The following NPR3 variants were observed in gnomAD, a reference collection of about 807,000 sequenced individuals.
NPR3 encodes atrial natriuretic peptide receptor 3.
A neutral mutation model predicts 54.5 loss-of-function variants in NPR3; 34 were observed. The ratio of observed to expected loss-of-function variants is 0.62; its 90% CI spans 0.47 to 0.83. NPR3 has a LOEUF of 0.83. NPR3 is among the 40% of genes least tolerant of loss of function. The probability of loss-of-function intolerance (pLI) is 0.00; values close to 1 mark genes in which losing one functional copy is unlikely to be tolerated. For missense variants in NPR3, 674 were observed against 720.8 expected, an observed-to-expected ratio of 0.94 and a Z score of 0.74; for synonymous variants, 289 against 297.1, an observed-to-expected ratio of 0.97 and a Z score of 0.28.
At position 32,786,756 on chromosome 5, in the gene NPR3, G is replaced by A; in HGVS notation, c.*411G>A. 5.6e-6 allele frequency: 1 copy of A among 179,412 alleles called. No individual in the cohort carries two copies. Among genetic ancestry groups the A allele is most frequent in the Non-Finnish European group, 1.1e-5 (1 of 87,730 alleles). 11.1% of individuals were successfully genotyped at this position (179,412 alleles called of 1,614,324 possible). ...TTTACAAGTACAGCATTCTTGGAAAGAATTTAACACCCAAAAAGGGGAAAA... is the reference window on the plus strand; with the variant it reads ...TTTACAAGTACAGCATTCTTGGAAAAAATTTAACACCCAAAAAGGGGAAAA... On this transcript the variant is annotated 3_prime_UTR_variant, in exon 8 of 8. Coordinates refer to ENST00000265074, the MANE Select transcript of NPR3 (RefSeq NM_001204375.2).
chr5:32,745,562 A>G (rs539457051), intron 3 of NPR3, among the ~76,000 whole-genome samples: 97 of 152,296 alleles, frequency 6.4e-4, no homozygotes, highest in African/African-American at 2.1e-3. Context: ...TTTTTCCACT[A>G]CATCAGTCTG....
At chr5:32,746,021 C>T (rs1740279204) in intron 3 of NPR3, among the ~76,000 whole-genome samples, 1 of 152,142 alleles carries the variant, frequency 6.6e-6, no homozygotes, top group South Asian at 2.1e-4. Flanking sequence ...CTTATGCCAG[C>T]ATGCACAAAA....
intron 2 of NPR3, among the ~76,000 whole-genome samples, chr5:32,735,454 A>C (rs1464291230): frequency 6.7e-6 from 1 of 149,496 alleles, no homozygotes; most frequent in Non-Finnish European, 1.5e-5. Context: ...TTATTGTTGA[A>C]AATTTACTAT....
rs567128702 is a variant in NPR3 at position 32,762,408 on chromosome 5, C to T, written c.1060-12300C>T. On this transcript the variant is annotated intron_variant, in intron 3 of 7. Transcript: ENST00000265074. ...TGGTTGAACTAATTTACACTCCCAC[C>T]GACAGTGTAAAGGCATTCCTATTTC... is the stretch of plus-strand genomic sequence containing the variant. Among the ~76,000 whole-genome samples, 17 of 150,690 alleles carry T rather than the reference C, an allele frequency of 1.1e-4. 2 individuals are homozygous for T. The highest frequency in any genetic ancestry group is 4.3e-4 in the South Asian group (2 of 4,702).
intron 3 of NPR3, among the ~76,000 whole-genome samples, chr5:32,773,044 A>G (rs1210026214): frequency 5.5e-5 from 8 of 145,316 alleles, no homozygotes; most frequent in Non-Finnish European, 3.1e-5. Flanking sequence ...TATCTTGTGA[A>G]TGTTTGTGTA....
chr5:32,747,223 A>T (rs1292880338), intron 3 of NPR3, among the ~76,000 whole-genome samples: 1 of 152,074 alleles, frequency 6.6e-6, no homozygotes, highest in Non-Finnish European at 1.5e-5. Context: ...TGATAGTAAA[A>T]ATTTTGATAT....
In NPR3 at chr5:32,776,934, G is replaced by A. The variant is rs1479621560; in HGVS notation, c.1195+2091G>A. 3.9e-5 allele frequency among the ~76,000 whole-genome samples: 6 copies of A among 152,282 alleles called. No individual in the cohort carries two copies. In the East Asian group the frequency reaches 1.2e-3, roughly 29 times the overall value. ...AGAGTGAAGTTGAGTAGAGACCCGA[G>A]GGAAGTGAGGGAAGCTCTGTAGATG... On this transcript the variant is annotated intron_variant, in intron 4 of 7. Transcript: ENST00000265074.
chr5:32,752,857 T>C (rs1348614135), intron 3 of NPR3, among the ~76,000 whole-genome samples: 1 of 152,192 alleles, frequency 6.6e-6, no homozygotes, highest in African/African-American at 2.4e-5. Flanking sequence ...AAAGAGGTAT[T>C]AAAATCTAAA....
At chr5:32,707,619 A>G (rs1244488719), upstream of NPR3, among the ~76,000 whole-genome samples, 1 of 152,168 alleles carries the variant, frequency 6.6e-6, no homozygotes, top group Non-Finnish European at 1.5e-5. Flanking sequence ...TGGCCTCAGA[A>G]GGTATTTTAT....
intron 1 of NPR3, among the ~76,000 whole-genome samples, chr5:32,715,321 T>C (rs902624601): frequency 6.6e-6 from 1 of 152,240 alleles, no homozygotes; most frequent in African/African-American, 2.4e-5. Context: ...AGTTCCTCCC[T>C]CTTTTGGTGA....
rs945481346 is a variant in NPR3, at chr5:32,774,713, C to T, written c.1065C>T (p.Asn355=). Residue 355 remains asparagine, a synonymous_variant, in exon 4 of 8, where the codon AAC becomes AAT. Coordinates refer to ENST00000265074, the MANE Select transcript of NPR3 (RefSeq NM_001204375.2). The part of the protein sequence containing the change: ...KQGLNMEDYV[N]MFVEGFHDAI... The stretch of plus-strand genomic sequence containing the variant: ...ATCTGGGGTTTTCTTTTCAGGTTAA[C>T]ATGTTTGTTGAAGGATTCCACGATG... The T allele has an allele frequency of 1.2e-6, 2 of 1,611,692 alleles. No homozygotes were observed. The highest frequency in any genetic ancestry group is 2.2e-5 in the East Asian group (1 of 44,876).
At position 32,697,852 on chromosome 5, in the gene NPR3, C is replaced by T. The variant is rs558746974; in HGVS notation, c.100+8666C>T. 3.9e-5 allele frequency among the ~76,000 whole-genome samples: 6 copies of T among 152,086 alleles called. No homozygotes were observed. The South Asian group carries it at 1.2e-3, about 32-fold the overall frequency. On this transcript the variant is annotated intron_variant, in intron 1 of 5. Transcript: ENST00000509104. ...GATTGTAATGTCTCCTTTTTCATCTCTGATTTTATTTATTCAGGTATTCTC... is the reference window on the plus strand; with the variant it reads ...GATTGTAATGTCTCCTTTTTCATCTTTGATTTTATTTATTCAGGTATTCTC...
intron 3 of NPR3, among the ~76,000 whole-genome samples, chr5:32,740,867 A>G (rs1159440290): frequency 6.6e-6 from 1 of 152,026 alleles, no homozygotes; most frequent in Non-Finnish European, 1.5e-5. Flanking sequence ...GGTTTCTGCA[A>G]CAGAGCCTAC....
upstream of NPR3, among the ~76,000 whole-genome samples, chr5:32,706,677 A>C (rs1050964612): frequency 6.6e-6 from 1 of 152,182 alleles, no homozygotes; most frequent in African/African-American, 2.4e-5. Flanking sequence ...ATTTTGTGAG[A>C]GTTTTGATGG....
chr5:32,728,850 T>C (rs1372152260), intron 2 of NPR3, among the ~76,000 whole-genome samples: 1 of 119,590 alleles, frequency 8.4e-6, no homozygotes, highest in African/African-American at 3.7e-5. Context: ...TATATATATA[T>C]ATATATATAT....
intron 1 of NPR3, chr5:32,713,545 C>G (rs561414909): frequency 2.3e-6 from 2 of 870,858 alleles, no homozygotes; most frequent in Admixed American, 6.2e-5. Flanking sequence ...CGTCTCTGCT[C>G]CCCCTTGGCG....
chr5:32,781,602 C>T (rs757722310), intron 5 of NPR3, among the ~76,000 whole-genome samples: 1 of 152,068 alleles, frequency 6.6e-6, no homozygotes, highest in Non-Finnish European at 1.5e-5. Context: ...TTTTAATGAC[C>T]AAAACCTCAA....
chr5:32,776,743 A>AT, intron 4 of NPR3, among the ~76,000 whole-genome samples: 1 of 152,300 alleles, frequency 6.6e-6, no homozygotes, highest in Non-Finnish European at 1.5e-5. Flanking sequence ...AACTAAAGAC[A>AT]TTTTATGCAA....
intron 3 of NPR3, among the ~76,000 whole-genome samples, chr5:32,746,344 A>G (rs989505430): frequency 1.3e-5 from 2 of 152,192 alleles, no homozygotes; most frequent in East Asian, 3.8e-4. Flanking sequence ...AGCATCCATC[A>G]TCTGATTCTT....
Sources: allele counts gnomAD v4.1 joint callset (sites outside exome capture counted in the v4.1 genomes callset), GRCh38; gene constraint gnomAD v4.1.1; transcripts MANE v1.5; gene names NCBI Gene and HGNC (gene_info 2026-07-23, HGNC 2026-07-21).